The following POU5F1B variants were observed in gnomAD, a reference collection of about 807,000 sequenced individuals.
POU5F1B encodes POU class 5 homeobox 1B.
POU5F1B carries 24 observed loss-of-function variants against 28.1 expected under a neutral mutation model. That is an observed-to-expected ratio of 0.85 (90% CI 0.62 to 1.20). POU5F1B has a LOEUF of 1.20. POU5F1B is among the 50% of genes most tolerant of loss of function. The pLI, the probability that POU5F1B is intolerant of heterozygous loss-of-function variation, is 0.00. For missense variants in POU5F1B, 451 were observed against 451.5 expected (o/e 1.00, Z 0.01); for synonymous variants, 220 against 193.2 (o/e 1.14, Z -1.15).
exon 3 of POU5F1B, chr8:127,415,757 T>C: frequency 7.0e-7 from 1 of 1,432,200 alleles, no homozygotes; most frequent in Non-Finnish European, 9.2e-7. Context: ...ACTGTGTTCA[T>C]TGCTAGTGAG....
rs1040676740 is a variant in POU5F1B at position 127,416,708 on chromosome 8, G to A, written c.842G>A (p.Arg281His). 5 of 1,609,108 alleles carry A rather than the reference G, an allele frequency of 3.1e-6. No individual in the cohort carries two copies. In the African/African-American group the frequency reaches 5.4e-5, roughly 17 times the overall value. ...GTCCGAGTGTGGTTCTGTAACCGGC[G>A]CCAGAAGGGCAAGCGATCAAGCAGC... is the stretch of plus-strand genomic sequence containing the variant. Residue 281 changes from arginine (R) to histidine (H), a missense_variant, in exon 3 of 3, where the codon CGC (arginine) becomes CAC (histidine). Arg to His is a conservative substitution (Grantham distance 29, BLOSUM62 0). Around this residue, in one of 3 missense-constraint regions of POU5F1B, gnomAD observed 213 missense variants for 220.4 expected, o/e 0.97. Coordinates refer to ENST00000465342, the Ensembl canonical transcript of POU5F1B.
chr8:127,416,076 T>TG lies in POU5F1B; in HGVS notation c.216dup (p.Met73AspfsTer24), dbSNP rs559727185. The TG allele has an allele frequency of 7.5e-4, 1,211 of 1,612,590 alleles. 14 individuals carry two copies. The African/African-American group carries it at 0.014, about 19-fold the overall frequency. ...CTTGCCCCCCGCCGTATGAGTTATG[T>TG]GGGGGGATGGCGTACTGTGGGCCTC... On this transcript the variant is annotated frameshift_variant, in exon 3 of 3. Transcript: ENST00000465342. LOFTEE classifies it high-confidence loss of function.
At chr8:127,414,718 T>TGCCC (rs1357938230) in intron 1 of POU5F1B, among the ~76,000 whole-genome samples, 3 of 152,240 alleles carry the variant, frequency 2.0e-5, no homozygotes, top group Admixed American at 2.0e-4. Context: ...CTTTACAATA[T>TGCCC]GCCCACCAAT....
At chr8:127,416,386 C>G (rs1177638668) in exon 3 of POU5F1B, 1 of 1,608,986 alleles carries the variant, frequency 6.2e-7, no homozygotes, top group Non-Finnish European at 8.5e-7. Context: ...CCTGGGGGTT[C>G]TATTTGGGAA....
chr8:127,416,637 G>A, exon 3 of POU5F1B: 3 of 1,600,170 alleles, frequency 1.9e-6, no homozygotes, highest in Non-Finnish European at 2.6e-6. Context: ...AACCCACACT[G>A]CAGATCAGCC....
Position 127,417,022 on chromosome 8 carries a change from G to A in POU5F1B, c.*76G>A. 3.9e-6 allele frequency: 6 copies of A among 1,550,824 alleles called. No homozygotes were observed. In the South Asian group the frequency reaches 6.0e-5, roughly 15 times the overall value. ...AAGAGAACCTGGAGTTTGTGGCAGG[G>A]CTTTTGGGATTAAGTTCTTCATTCA... On this transcript the variant is annotated 3_prime_UTR_variant, in exon 3 of 3. Coordinates refer to ENST00000465342, the Ensembl canonical transcript of POU5F1B.
intron 1 of POU5F1B, among the ~76,000 whole-genome samples, chr8:127,414,717 A>G (rs566589232): frequency 6.6e-6 from 1 of 152,348 alleles, no homozygotes; most frequent in South Asian, 2.1e-4. Flanking sequence ...GCTTTACAAT[A>G]TGCCCACCAA....
chr8:127,415,974 A>C (rs780524404), exon 3 of POU5F1B: 1 of 1,580,554 alleles, frequency 6.3e-7, no homozygotes, highest in South Asian at 1.2e-5. Context: ...TGACCTGGCT[A>C]AGCTTCCAAG....
chr8:127,415,822 T>C (rs1039049240), exon 3 of POU5F1B: 2 of 1,475,426 alleles, frequency 1.4e-6, no homozygotes, highest in Non-Finnish European at 1.8e-6. Context: ...AGTAACATAA[T>C]TGCTCATTTC....
exon 3 of POU5F1B, chr8:127,417,213 A>AAGAAC: frequency 5.7e-6 from 2 of 350,026 alleles, no homozygotes; most frequent in Non-Finnish European, 5.3e-6. Context: ...AAAAAAAAGA[A>AAGAAC]AGAAAAGAAA....
In POU5F1B at chr8:127,415,992, TGGAG is replaced by T; in HGVS notation, c.129_132del (p.Gly44GlnfsTer40). 6.3e-7 allele frequency: 1 copy of T among 1,590,500 alleles called. No individual in the cohort carries two copies. The highest frequency in any genetic ancestry group is 1.1e-5 in the South Asian group (1 of 87,858). The stretch of plus-strand genomic sequence containing the variant: ...CCTGGCTAAGCTTCCAAGGCCCTCC[TGGAG>T]GGCCAGGAATCGGGCCGGGGGTTGG... On this transcript the variant is annotated frameshift_variant, in exon 3 of 3. Coordinates refer to ENST00000465342, the Ensembl canonical transcript of POU5F1B. LOFTEE classifies it high-confidence loss of function.
intron 1 of POU5F1B, among the ~76,000 whole-genome samples, chr8:127,414,517 G>T (rs1177293720): frequency 1.3e-5 from 2 of 152,204 alleles, no homozygotes; most frequent in Admixed American, 6.5e-5. Flanking sequence ...AAACTGTGAA[G>T]ATTTGATATG....
At chr8:127,416,234 A>G (rs1815135759) in exon 3 of POU5F1B, 1 of 1,613,888 alleles carries the variant, frequency 6.2e-7, no homozygotes, top group Non-Finnish European at 8.5e-7. Context: ...GGTGCCGTGA[A>G]GCTGGAGAAG....
chr8:127,416,883 T>A (rs745822635), exon 3 of POU5F1B: 16 of 1,600,264 alleles, frequency 1.0e-5, no homozygotes, highest in Non-Finnish European at 1.2e-5. Flanking sequence ...TCCCTTTCCC[T>A]GAGGGGGAAG....
exon 3 of POU5F1B, chr8:127,415,936 G>C (rs551358165): frequency 5.1e-6 from 8 of 1,559,296 alleles, no homozygotes; most frequent in South Asian, 4.7e-5. Context: ...TGGGCCATGG[G>C]GGGCGGAGCC....
chr8:127,416,495 A>G, exon 3 of POU5F1B: 1 of 1,609,558 alleles, frequency 6.2e-7, no homozygotes, highest in Non-Finnish European at 8.5e-7. Flanking sequence ...TGGGTGGAGG[A>G]AGCTGACAAC....
At chr8:127,415,528 A>C in exon 3 of POU5F1B, 1 of 263,008 alleles carries the variant, frequency 3.8e-6, no homozygotes, top group Non-Finnish European at 7.1e-6. Flanking sequence ...GCATCATGGT[A>C]TGGCAGAAGC....
At chr8:127,416,416 A>G (rs772362682) in exon 3 of POU5F1B, 1 of 1,607,948 alleles carries the variant, frequency 6.2e-7, no homozygotes, top group Non-Finnish European at 8.5e-7. Flanking sequence ...CCAAAAGACC[A>G]TCTGCCGCTT....
exon 3 of POU5F1B, chr8:127,415,945 C>A: frequency 6.4e-7 from 1 of 1,564,902 alleles, no homozygotes; most frequent in South Asian, 1.2e-5. Flanking sequence ...GGGGGCGGAG[C>A]CGGGCTGGGT....
Sources: allele counts gnomAD v4.1 joint callset (sites outside exome capture counted in the v4.1 genomes callset), GRCh38; gene constraint gnomAD v4.1.1; regional missense constraint gnomAD v4.1.1; transcripts MANE v1.5; gene names NCBI Gene and HGNC (gene_info 2026-07-23, HGNC 2026-07-21).